PRLR: variants seen among roughly 807,000 people sequenced by gnomAD.
PRLR encodes the protein prolactin receptor.
Under a neutral mutation model 40.2 loss-of-function variants are expected in PRLR, and 13 were observed. The observed-to-expected ratio is 0.32, with a 90% CI of 0.21 to 0.51. PRLR has a LOEUF of 0.51. Among genes scored for constraint, PRLR ranks in the 20% least tolerant of loss-of-function variants. The pLI is 0.97. For synonymous variants in PRLR, 269 were observed against 278.7 expected (o/e 0.97, Z 0.35); for missense variants, 656 against 747.3 (o/e 0.88, Z 1.42).
At chr5:35,092,582 A>G (rs553450764) in intron 2 of PRLR, among the ~76,000 whole-genome samples, 5 of 152,136 alleles carry the variant, frequency 3.3e-5, no homozygotes, top group East Asian at 1.9e-4. Flanking sequence ...TCCACCCTGC[A>G]TTGCACTCAA....
At chr5:35,114,505 C>T (rs1772892008) in intron 2 of PRLR, among the ~76,000 whole-genome samples, 1 of 152,208 alleles carries the variant, frequency 6.6e-6, no homozygotes, top group Admixed American at 6.5e-5. Context: ...TTGGAACCCT[C>T]CAGGCTCCTC....
chr5:35,052,618 A>G (rs1768533921), downstream of PRLR, among the ~76,000 whole-genome samples: 1 of 152,174 alleles, frequency 6.6e-6, no homozygotes, highest in South Asian at 2.1e-4. Flanking sequence ...AGTCAGCTTT[A>G]CAGTCTAAAA....
intron 1 of PRLR, among the ~76,000 whole-genome samples, chr5:35,213,813 A>T (rs896388693): frequency 4.0e-4 from 61 of 152,292 alleles, no homozygotes; most frequent in African/African-American, 1.5e-3. Flanking sequence ...CACAAAACCC[A>T]TATCATTTCA....
At chr5:35,173,994 C>T (rs578076218) in intron 1 of PRLR, among the ~76,000 whole-genome samples, 139 of 152,234 alleles carry the variant, frequency 9.1e-4, no homozygotes, top group Middle Eastern at 3.4e-3. Flanking sequence ...CCCCCCACCC[C>T]ACAACAGGCC....
intron 1 of PRLR, among the ~76,000 whole-genome samples, chr5:35,185,931 A>C (rs185759850): frequency 6.6e-6 from 1 of 152,302 alleles, no homozygotes; most frequent in East Asian, 1.9e-4. Context: ...TGATTCGTCG[A>C]ATGTCGGGGT....
chr5:35,072,222 T>G (rs946141560), intron 6 of PRLR, among the ~76,000 whole-genome samples: 1 of 151,990 alleles, frequency 6.6e-6, no homozygotes, highest in Non-Finnish European at 1.5e-5. Flanking sequence ...TTAAAGTAAA[T>G]AAAAACACAG....
At chr5:35,175,891 G>A (rs1213452403) in intron 1 of PRLR, among the ~76,000 whole-genome samples, 1 of 152,126 alleles carries the variant, frequency 6.6e-6, no homozygotes, top group South Asian at 2.1e-4. Context: ...AGAGGCCAAA[G>A]GGGGAAAGGA....
At chr5:35,073,065 G>A (rs896332187) in intron 5 of PRLR, among the ~76,000 whole-genome samples, 4 of 152,110 alleles carry the variant, frequency 2.6e-5, no homozygotes, top group African/African-American at 9.7e-5. Context: ...ATAAAAACTG[G>A]GCTGGGATTT....
At chr5:35,177,512 C>T (rs1775182908) in intron 1 of PRLR, among the ~76,000 whole-genome samples, 1 of 152,126 alleles carries the variant, frequency 6.6e-6, no homozygotes, top group Non-Finnish European at 1.5e-5. Flanking sequence ...TACTTTTTGT[C>T]TGTATGGAAT....
intron 1 of PRLR, among the ~76,000 whole-genome samples, chr5:35,213,434 A>G (rs190229850): frequency 6.6e-6 from 1 of 152,234 alleles, no homozygotes; most frequent in East Asian, 1.9e-4. Context: ...CCTTTACATT[A>G]TGGATTCTCA....
chr5:35,065,541 C>T lies in PRLR; in HGVS notation c.1417G>A (p.Ala473Thr). The change falls in exon 10 of 10, where the codon GCA becomes ACA. Residue 473 changes from alanine to threonine, a missense_variant. By Grantham distance (58) the Ala-to-Thr change is moderately conservative (BLOSUM62 0). Coordinates refer to ENST00000618457, the MANE Select transcript of PRLR (RefSeq NM_000949.7). ...CTTTCTACCTCCCTCTGCTGGGTTG[C>T]CTTTCCCTCTTCTCTAGACTTAATG... is the stretch of plus-strand genomic sequence containing the variant. ...QTIKSREEGK[A>T]TQQREVESFH... 1.2e-6 allele frequency: 2 copies of T among 1,614,096 alleles called. No homozygotes were observed. The highest frequency in any genetic ancestry group is 1.7e-6 in the Non-Finnish European group (2 of 1,180,010).
At chr5:35,201,510 T>A (rs1775882369) in intron 1 of PRLR, among the ~76,000 whole-genome samples, 1 of 152,188 alleles carries the variant, frequency 6.6e-6, no homozygotes, top group Non-Finnish European at 1.5e-5. Flanking sequence ...TGTGACTTCA[T>A]CCTACATGCC....
At chr5:35,128,642 A>C (rs182074107) in intron 1 of PRLR, among the ~76,000 whole-genome samples, 99 of 152,262 alleles carry the variant, frequency 6.5e-4, no homozygotes, top group African/African-American at 2.3e-3. Context: ...ATCACAATAA[A>C]GCTGCTTAAA....
At chr5:35,151,284 T>A (rs917425944) in intron 1 of PRLR, among the ~76,000 whole-genome samples, 9 of 152,198 alleles carry the variant, frequency 5.9e-5, no homozygotes, top group African/African-American at 2.2e-4. Flanking sequence ...GAATCATGAG[T>A]TGATATGGAA....
rs897710235 is a variant in PRLR at position 35,059,018 on chromosome 5, C to T, written c.*6071G>A. The T allele has an allele frequency of 3.9e-5, 6 of 152,104 alleles. No homozygotes were observed. The highest frequency in any genetic ancestry group is 1.2e-4 in the African/African-American group (5 of 41,420). The allele number at this position is 152,104 out of a possible 1,614,324, so 9.4% of individuals were successfully genotyped here. A position where few individuals can be genotyped will look rare whatever the true frequency, so the allele number is the denominator to read the frequency against. On this transcript the variant is annotated 3_prime_UTR_variant, in exon 10 of 10. Coordinates refer to ENST00000618457, the MANE Select transcript of PRLR (RefSeq NM_000949.7). The stretch of plus-strand genomic sequence containing the variant: ...ACAAATTATTTTTCAGCGGTATCTT[C>T]GCCATATAGTTTTTCAGATAACGTG...
chr5:35,110,481 G>C (rs559754127), intron 2 of PRLR, among the ~76,000 whole-genome samples: 1 of 152,062 alleles, frequency 6.6e-6, no homozygotes, highest in Non-Finnish European at 1.5e-5. Context: ...TGCCCTCAAA[G>C]TTCCTCCCCT....
chr5:35,207,135 C>G (rs759177575), intron 1 of PRLR, among the ~76,000 whole-genome samples: 1 of 152,040 alleles, frequency 6.6e-6, no homozygotes, highest in African/African-American at 2.4e-5. Context: ...TAAGACAGGA[C>G]GCTCACTATT....
chr5:35,118,829 A>G (rs548934466), intron 1 of PRLR, among the ~76,000 whole-genome samples: 2 of 151,252 alleles, frequency 1.3e-5, no homozygotes, highest in Non-Finnish European at 3.0e-5. Context: ...TGTGTCTCCC[A>G]GGCTGGAGTG....
At chr5:35,094,349 C>T (rs1157685905) in intron 2 of PRLR, among the ~76,000 whole-genome samples, 1 of 152,158 alleles carries the variant, frequency 6.6e-6, no homozygotes, top group African/African-American at 2.4e-5. Flanking sequence ...CTTGTTGTTA[C>T]ATGTAGTTTT....
Sources: allele counts gnomAD v4.1 joint callset (sites outside exome capture counted in the v4.1 genomes callset), GRCh38; gene constraint gnomAD v4.1.1; transcripts MANE v1.5; gene names NCBI Gene and HGNC (gene_info 2026-07-23, HGNC 2026-07-21).